SCAI: variants seen among roughly 807,000 people sequenced by gnomAD.
SCAI encodes the protein suppressor of cancer cell invasion.
SCAI carries 24 observed loss-of-function variants against 92.2 expected under a neutral mutation model. The observed-to-expected ratio is 0.26, with a 90% CI of 0.19 to 0.37. The LOEUF is 0.37. Ranked by LOEUF, SCAI falls within the 10% of genes least tolerant of loss-of-function variation. The probability of loss-of-function intolerance (pLI) is 1.00; values close to 1 mark genes in which losing one functional copy is unlikely to be tolerated. For missense variants in SCAI, 450 were observed against 736.2 expected, an observed-to-expected ratio of 0.61 and a Z score of 4.50; for synonymous variants, 261 against 258.6, an observed-to-expected ratio of 1.01 and a Z score of -0.09.
chr9:125,129,434 G>A (rs1204226306), intron 2 of SCAI, among the ~76,000 whole-genome samples: 1 of 142,488 alleles, frequency 7.0e-6, no homozygotes, highest in Non-Finnish European at 1.5e-5. Context: ...TAAAAAGAAG[G>A]AATGAAAGAA....
chr9:125,005,718 C>T (rs1832492039), intron 9 of SCAI, among the ~76,000 whole-genome samples: 2 of 152,148 alleles, frequency 1.3e-5, no homozygotes, highest in African/African-American at 4.8e-5. Flanking sequence ...GTAGCATGGG[C>T]CTCCTGGCTA....
intron 17 of SCAI, among the ~76,000 whole-genome samples, chr9:124,970,454 C>T (rs2131587188): frequency 6.6e-6 from 1 of 151,986 alleles, no homozygotes; most frequent in South Asian, 2.1e-4. Context: ...TGCAGTGGCT[C>T]ATGCCAATAA....
chr9:124,989,816 G>C (rs1832080285), intron 14 of SCAI, among the ~76,000 whole-genome samples: 2 of 150,114 alleles, frequency 1.3e-5, no homozygotes, highest in Admixed American at 1.3e-4. Context: ...TTGGGGAGCA[G>C]AGGCTGCAGT....
At chr9:125,004,161 GAA>G (rs1278983267) in intron 9 of SCAI, among the ~76,000 whole-genome samples, 1 of 151,972 alleles carries the variant, frequency 6.6e-6, no homozygotes, top group Non-Finnish European at 1.5e-5. Context: ...GGGTAACAGA[GAA>G]AGACTCTGTC....
chr9:124,953,213 CTA>C (rs1285737886), intron 17 of SCAI, among the ~76,000 whole-genome samples: 1 of 152,156 alleles, frequency 6.6e-6, no homozygotes, highest in Non-Finnish European at 1.5e-5. Context: ...TTGCTAGACA[CTA>C]TGCTCTGTAT....
At chr9:125,058,036 G>A (rs1265559244) in intron 2 of SCAI, among the ~76,000 whole-genome samples, 1 of 151,788 alleles carries the variant, frequency 6.6e-6, no homozygotes, top group African/African-American at 2.4e-5. Context: ...CAGTTCAAGG[G>A]TGCAGAGAGC....
intron 17 of SCAI, among the ~76,000 whole-genome samples, chr9:124,958,112 G>C (rs1485583041): frequency 6.6e-6 from 1 of 152,050 alleles, no homozygotes; most frequent in African/African-American, 2.4e-5. Context: ...AGTAAATGAG[G>C]ATATATACCA....
At chr9:125,139,711 C>T (rs1835620466) in intron 2 of SCAI, among the ~76,000 whole-genome samples, 1 of 152,036 alleles carries the variant, frequency 6.6e-6, no homozygotes, top group Non-Finnish European at 1.5e-5. Context: ...AATGAGGAAG[C>T]ACAGAGGGAT....
chr9:124,963,054 C>T (rs1831472379), intron 17 of SCAI, among the ~76,000 whole-genome samples: 1 of 151,506 alleles, frequency 6.6e-6, no homozygotes, highest in African/African-American at 2.4e-5. Flanking sequence ...CCTCCTCAGC[C>T]TCCCATAGTG....
intron 2 of SCAI, among the ~76,000 whole-genome samples, chr9:125,112,271 C>A (rs1446633977): frequency 6.6e-6 from 1 of 151,900 alleles, no homozygotes; most frequent in Non-Finnish European, 1.5e-5. Context: ...TAACTGCGTG[C>A]CAAGAAAAGT....
intron 17 of SCAI, among the ~76,000 whole-genome samples, chr9:124,963,366 C>A (rs1034740936): frequency 1.3e-5 from 2 of 151,294 alleles, no homozygotes; most frequent in African/African-American, 4.9e-5. Flanking sequence ...GAACTCCTGA[C>A]CTCATGATCT....
Position 124,948,554 on chromosome 9 carries a change from G to T in SCAI, c.*4253C>A, listed in dbSNP as rs1831187665. Reference sequence around the variant, plus strand: ...TGAGAAGACTGGGCTGAGATGAGGAGATCTGAGTTTTAGTTCTAGCTCTAT... The same window carrying T: ...TGAGAAGACTGGGCTGAGATGAGGATATCTGAGTTTTAGTTCTAGCTCTAT... On this transcript the variant is annotated 3_prime_UTR_variant, in exon 18 of 18. Transcript: ENST00000336505. 6.6e-6 allele frequency: 1 copy of T among 152,350 alleles called. No homozygotes were observed. The highest frequency in any genetic ancestry group is 1.9e-4 in the East Asian group (1 of 5,186). 9.4% of individuals were successfully genotyped at this position (152,350 alleles called of 1,614,324 possible).
At chr9:125,067,280 C>A (rs1366989706) in intron 2 of SCAI, among the ~76,000 whole-genome samples, 6 of 152,126 alleles carry the variant, frequency 3.9e-5, no homozygotes, top group African/African-American at 1.4e-4. Flanking sequence ...ACGGGACCTT[C>A]TTTGGAAATA....
intron 6 of SCAI, among the ~76,000 whole-genome samples, chr9:125,024,011 A>C (rs964180848): frequency 7.9e-5 from 12 of 151,898 alleles, no homozygotes; most frequent in African/African-American, 2.2e-4. Flanking sequence ...ATCAGTGCCA[A>C]AGCCTTCAAT....
intron 2 of SCAI, among the ~76,000 whole-genome samples, chr9:125,127,207 C>T (rs1835296240): frequency 6.6e-6 from 1 of 152,142 alleles, no homozygotes; most frequent in Non-Finnish European, 1.5e-5. Flanking sequence ...GGCTTCAACG[C>T]CTCATATCCT....
At position 124,949,781 on chromosome 9, in the gene SCAI, A is replaced by G. The variant is rs192875446; in HGVS notation, c.*3026T>C. The G allele has an allele frequency of 1.4e-4, 22 of 152,338 alleles. No individual in the cohort carries two copies. The highest frequency in any genetic ancestry group is 2.6e-4 in the Non-Finnish European group (18 of 68,028). The allele number at this position is 152,338 out of a possible 1,614,324, so 9.4% of individuals were successfully genotyped here. ...CTCCTTCTACTAGAATGTAAGCTTC[A>G]TGAACATGAGGATTTTTAAGTCTAT... On this transcript the variant is annotated 3_prime_UTR_variant, in exon 18 of 18. Coordinates refer to ENST00000336505, the MANE Select transcript of SCAI (RefSeq NM_001144877.3). The surrounding 1 kb of genome is among the most constrained non-coding windows in gnomAD (Gnocchi z 4.0).
intron 3 of SCAI, among the ~76,000 whole-genome samples, chr9:125,050,271 G>C (rs775504266): frequency 5.3e-5 from 8 of 152,072 alleles, no homozygotes; most frequent in Non-Finnish European, 1.0e-4. Flanking sequence ...ATTTAAATAA[G>C]GGGGTGGAGG....
chr9:125,113,751 T>A (rs923365118), intron 2 of SCAI, among the ~76,000 whole-genome samples: 3 of 146,458 alleles, frequency 2.0e-5, no homozygotes, highest in Non-Finnish European at 1.5e-5. Context: ...TCACCTGAGG[T>A]CGGGAATTCG....
chr9:125,070,520 C>A (rs900161501), intron 2 of SCAI, among the ~76,000 whole-genome samples: 22 of 151,674 alleles, frequency 1.5e-4, no homozygotes, highest in Non-Finnish European at 2.6e-4. Context: ...CTGCCTCAGC[C>A]TCCGAGTAGC....
Sources: gnomAD v4.1 joint callset for allele counts (sites outside exome capture counted in the v4.1 genomes callset) on GRCh38, gnomAD v4.1.1 for gene constraint, Gnocchi (gnomAD v3.1) non-coding constraint, MANE v1.5 for transcripts, NCBI Gene and HGNC (gene_info 2026-07-23, HGNC 2026-07-21) for gene names.